Variants in GSK3B observed in about 807,000 individuals in gnomAD.
GSK3B encodes the protein glycogen synthase kinase 3 beta.
GSK3B carries 15 observed loss-of-function variants against 56.4 expected under a neutral mutation model. The ratio of observed to expected loss-of-function variants is 0.27; its 90% CI spans 0.18 to 0.41. The LOEUF (loss-of-function observed/expected upper bound fraction) is 0.41, where lower values mean the gene tolerates loss of function less well. GSK3B is among the 10% of genes least tolerant of loss of function. The pLI is 1.00. For synonymous variants in GSK3B, 181 were observed against 188.9 expected (o/e 0.96, Z 0.34); for missense variants, 300 against 513.4 (o/e 0.58, Z 4.02).
At chr3:119,865,459 TA>T in intron 8 of GSK3B, among the ~76,000 whole-genome samples, 1 of 20,044 alleles carries the variant, frequency 5.0e-5, no homozygotes, top group Non-Finnish European at 1.3e-4. Context: ...TATATATATA[TA>T]TATATATTTT....
intron 2 of GSK3B, among the ~76,000 whole-genome samples, chr3:119,957,530 T>C (rs2057227426): frequency 6.6e-6 from 1 of 152,242 alleles, no homozygotes; most frequent in Admixed American, 6.5e-5. Flanking sequence ...AGCTTAAGTG[T>C]GTATTCCTTT....
At chr3:120,052,398 G>C (rs983839189) in intron 1 of GSK3B, among the ~76,000 whole-genome samples, 8 of 152,098 alleles carry the variant, frequency 5.3e-5, no homozygotes, top group Non-Finnish European at 1.0e-4. Flanking sequence ...TTAAATTACA[G>C]GTTACCGAGT....
intron 8 of GSK3B, among the ~76,000 whole-genome samples, chr3:119,873,229 C>A (rs532200934): frequency 6.6e-6 from 1 of 152,262 alleles, no homozygotes; most frequent in African/African-American, 2.4e-5. Context: ...ACACTGGGAT[C>A]ATCTCAGTGT....
intron 1 of GSK3B, among the ~76,000 whole-genome samples, chr3:120,021,164 C>G (rs2057873576): frequency 6.6e-6 from 1 of 152,078 alleles, no homozygotes; most frequent in South Asian, 2.1e-4. Context: ...TTAGCTAAGA[C>G]CACTGATGAA....
intron 10 of GSK3B, among the ~76,000 whole-genome samples, chr3:119,830,701 CAT>C (rs1262253916): frequency 6.6e-6 from 1 of 152,168 alleles, no homozygotes; most frequent in Non-Finnish European, 1.5e-5. Flanking sequence ...CACACTGATA[CAT>C]CTTTCTTAAA....
At chr3:119,995,075 C>T (rs186338578) in intron 2 of GSK3B, among the ~76,000 whole-genome samples, 74 of 150,184 alleles carry the variant, frequency 4.9e-4, no homozygotes, top group Non-Finnish European at 9.6e-4. Context: ...TCTATAATCC[C>T]AGTACTTTAG....
chr3:119,981,950 C>T (rs929874521), intron 2 of GSK3B, among the ~76,000 whole-genome samples: 3 of 152,230 alleles, frequency 2.0e-5, no homozygotes, highest in African/African-American at 7.2e-5. Context: ...TAGGGGCCAA[C>T]AGACACCTCA....
intron 9 of GSK3B, among the ~76,000 whole-genome samples, chr3:119,848,844 T>C (rs926243859): frequency 6.6e-6 from 1 of 152,188 alleles, no homozygotes. Flanking sequence ...TCATTTTCCT[T>C]TCCCCTAAAT....
intron 3 of GSK3B, among the ~76,000 whole-genome samples, chr3:119,928,415 C>A (rs1477438142): frequency 6.6e-6 from 1 of 151,538 alleles, no homozygotes; most frequent in Non-Finnish European, 1.5e-5. Context: ...ACCATCCTGG[C>A]TAACACGGTG....
At chr3:119,857,569 T>C (rs1288192664) in intron 9 of GSK3B, among the ~76,000 whole-genome samples, 1 of 152,226 alleles carries the variant, frequency 6.6e-6, no homozygotes, top group Admixed American at 6.5e-5. Flanking sequence ...GTTCTCTTAC[T>C]ATTTTCACCA....
At chr3:119,952,482 T>A (rs1487538385) in intron 2 of GSK3B, among the ~76,000 whole-genome samples, 7 of 111,726 alleles carry the variant, frequency 6.3e-5, no homozygotes, top group Non-Finnish European at 1.2e-4. Flanking sequence ...AGAGAGACTC[T>A]GTCTCAAAAA....
At chr3:119,995,725 A>T (rs1234753861) in intron 2 of GSK3B, among the ~76,000 whole-genome samples, 2 of 146,006 alleles carry the variant, frequency 1.4e-5, no homozygotes, top group East Asian at 4.1e-4. Context: ...CACCCGGCCT[A>T]AGCCTGAAAT....
At chr3:119,865,994 C>A (rs1222329632) in intron 8 of GSK3B, among the ~76,000 whole-genome samples, 2 of 152,148 alleles carry the variant, frequency 1.3e-5, no homozygotes, top group South Asian at 2.1e-4. Context: ...TCATTTTAAA[C>A]CCTTGAGAGA....
intron 1 of GSK3B, among the ~76,000 whole-genome samples, chr3:120,082,429 CTG>C (rs1398999723): frequency 9.5e-6 from 1 of 105,502 alleles, no homozygotes; most frequent in Non-Finnish European, 1.7e-5. Context: ...AAGAGTCTTG[CTG>C]TGTCACCCAG....
chr3:119,898,462 G>A (rs537930493), intron 7 of GSK3B, among the ~76,000 whole-genome samples: 2 of 152,246 alleles, frequency 1.3e-5, no homozygotes, highest in South Asian at 2.1e-4. Flanking sequence ...TTTCACTACT[G>A]TAAGATTTAG....
intron 7 of GSK3B, among the ~76,000 whole-genome samples, chr3:119,897,145 T>G (rs2056576585): frequency 6.6e-6 from 1 of 152,136 alleles, no homozygotes; most frequent in African/African-American, 2.4e-5. Context: ...AAGTAACGAT[T>G]TCAAATGGAT....
chr3:120,080,876 A>G (rs74365206), intron 1 of GSK3B, among the ~76,000 whole-genome samples: 62 of 152,160 alleles, frequency 4.1e-4, no homozygotes, highest in Non-Finnish European at 8.1e-4. Flanking sequence ...CCCCCACAAT[A>G]CAATTACATA....
At chr3:119,832,899 C>G (rs1022922081) in intron 10 of GSK3B, 14 of 723,402 alleles carry the variant, frequency 1.9e-5, no homozygotes, top group Non-Finnish European at 2.2e-5. Flanking sequence ...ATGTAAAATT[C>G]TATATCTGGT....
intron 9 of GSK3B, among the ~76,000 whole-genome samples, chr3:119,854,170 A>G (rs781678879): frequency 6.6e-6 from 1 of 152,138 alleles, no homozygotes; most frequent in African/African-American, 2.4e-5. Flanking sequence ...GCATCTATTG[A>G]GATAATCACG....
Sources: gnomAD v4.1 joint callset for allele counts (sites outside exome capture counted in the v4.1 genomes callset) on GRCh38, gnomAD v4.1.1 for gene constraint, MANE v1.5 for transcripts, NCBI Gene and HGNC (gene_info 2026-07-23, HGNC 2026-07-21) for gene names.